The following CALN1 variants were observed in gnomAD, a reference collection of about 807,000 sequenced individuals.
The protein encoded by CALN1 is calneuron 1, also known as calcium-binding protein 8.
A neutral mutation model predicts 30.6 loss-of-function variants in CALN1; 17 were observed. The ratio of observed to expected loss-of-function variants is 0.56; its 90% confidence interval spans 0.38 to 0.83. CALN1 has a LOEUF of 0.83. Among genes scored for constraint, CALN1 ranks in the 40% least tolerant of loss-of-function variants. The pLI is 0.00. For missense variants in CALN1, 291 were observed against 354.9 expected (o/e 0.82, Z 1.45); for synonymous variants, 156 against 131.4 (o/e 1.19, Z -1.28).
At chr7:71,892,382 A>G (rs571730330) in intron 5 of CALN1, among the ~76,000 whole-genome samples, 46 of 152,324 alleles carry the variant, frequency 3.0e-4, no homozygotes, top group African/African-American at 1.0e-3. Flanking sequence ...CACGCCTGTA[A>G]TCCCAGCACT....
At chr7:71,914,911 T>C (rs1234131284) in intron 5 of CALN1, among the ~76,000 whole-genome samples, 1 of 152,178 alleles carries the variant, frequency 6.6e-6, no homozygotes, top group African/African-American at 2.4e-5. Flanking sequence ...AAAAGTCTAA[T>C]ATCCAGTATA....
At chr7:72,264,208 C>T (rs908744591) in intron 3 of CALN1, among the ~76,000 whole-genome samples, 1 of 152,134 alleles carries the variant, frequency 6.6e-6, no homozygotes, top group African/African-American at 2.4e-5. Flanking sequence ...CTAACCTTTA[C>T]AAGGAAAAGT....
chr7:72,331,931 A>G (rs951630993), intron 2 of CALN1, among the ~76,000 whole-genome samples: 1 of 152,032 alleles, frequency 6.6e-6, no homozygotes, highest in East Asian at 1.9e-4. Flanking sequence ...CTTAGCTTCC[A>G]CTTATAAGTG....
chr7:72,419,007 C>CCTTG, intron 1 of CALN1, among the ~76,000 whole-genome samples: 1 of 152,084 alleles, frequency 6.6e-6, no homozygotes, highest in Admixed American at 6.5e-5. Context: ...CAAAGCAAGA[C>CCTTG]TCCAAGTAAT....
At chr7:71,934,930 T>C (rs1489665488) in intron 5 of CALN1, among the ~76,000 whole-genome samples, 1 of 152,014 alleles carries the variant, frequency 6.6e-6, no homozygotes, top group African/African-American at 2.4e-5. Flanking sequence ...GTAGCACTTA[T>C]TCACTAATAC....
At chr7:72,096,001 T>C (rs1226016864) in intron 4 of CALN1, among the ~76,000 whole-genome samples, 1 of 152,032 alleles carries the variant, frequency 6.6e-6, no homozygotes, top group Non-Finnish European at 1.5e-5. Flanking sequence ...ATGACACCAC[T>C]GCATTCCAGC....
chr7:71,922,821 T>C (rs1303442618), intron 5 of CALN1, among the ~76,000 whole-genome samples: 1 of 140,630 alleles, frequency 7.1e-6, no homozygotes, highest in Admixed American at 7.5e-5. Flanking sequence ...ATATATAATA[T>C]ACAGAATATA....
At chr7:72,034,197 CA>C (rs1221041462) in intron 4 of CALN1, among the ~76,000 whole-genome samples, 1 of 151,316 alleles carries the variant, frequency 6.6e-6, no homozygotes, top group Non-Finnish European at 1.5e-5. Context: ...ACTAAAAATA[CA>C]AAAAAATTAG....
chr7:72,359,536 T>C (rs1803434273), intron 2 of CALN1, among the ~76,000 whole-genome samples: 1 of 152,176 alleles, frequency 6.6e-6, no homozygotes, highest in Non-Finnish European at 1.5e-5. Flanking sequence ...AGGTATAGGA[T>C]ATGCAGGCAC....
At chr7:72,075,504 C>T (rs865984023) in intron 4 of CALN1, among the ~76,000 whole-genome samples, 19 of 152,294 alleles carry the variant, frequency 1.2e-4, no homozygotes, top group Middle Eastern at 6.8e-3. Flanking sequence ...TTCTGTCTAC[C>T]GGTTGAACCT....
intron 3 of CALN1, among the ~76,000 whole-genome samples, chr7:72,132,516 G>C (rs551405035): frequency 7.2e-5 from 11 of 152,146 alleles, no homozygotes; most frequent in African/African-American, 2.7e-4. Flanking sequence ...TCCATCTCCA[G>C]TTAACTGACA....
intron 5 of CALN1, among the ~76,000 whole-genome samples, chr7:71,877,909 T>C (rs937982408): frequency 1.3e-5 from 2 of 152,206 alleles, no homozygotes; most frequent in African/African-American, 4.8e-5. Flanking sequence ...AAAGCCATTT[T>C]GCCATAGTGG....
intron 5 of CALN1, among the ~76,000 whole-genome samples, chr7:71,971,930 C>CAAAAAAAAAAAAAAAAAAAA: frequency 2.6e-5 from 1 of 38,550 alleles, no homozygotes. Flanking sequence ...GACCCTGTCT[C>CAAAAAAAAAAAAAAAAAAAA]AAAAAAAAAA....
At chr7:71,916,914 T>C (rs1794712741) in intron 5 of CALN1, among the ~76,000 whole-genome samples, 1 of 152,168 alleles carries the variant, frequency 6.6e-6, no homozygotes, top group Non-Finnish European at 1.5e-5. Flanking sequence ...CGTGGTACCA[T>C]CATGTTGTCT....
intron 5 of CALN1, among the ~76,000 whole-genome samples, chr7:71,888,669 G>A (rs1046684342): frequency 1.3e-5 from 2 of 152,126 alleles, no homozygotes; most frequent in African/African-American, 4.8e-5. Context: ...GGTTGGGTGA[G>A]AAGGGAGTTA....
intron 5 of CALN1, among the ~76,000 whole-genome samples, chr7:71,983,052 C>A (rs1487967035): frequency 6.6e-6 from 1 of 152,190 alleles, no homozygotes; most frequent in African/African-American, 2.4e-5. Flanking sequence ...AAACATCACA[C>A]CTGGTCCAAC....
At chr7:72,318,219 A>G (rs1444345848) in intron 2 of CALN1, among the ~76,000 whole-genome samples, 1 of 152,230 alleles carries the variant, frequency 6.6e-6, no homozygotes, top group East Asian at 1.9e-4. Flanking sequence ...AAAGGGTCCC[A>G]TTAAGAAACA....
chr7:72,460,260 G>A, the CALN1 span, among the ~76,000 whole-genome samples: 1 of 152,162 alleles, frequency 6.6e-6, no homozygotes, highest in East Asian at 1.9e-4. Flanking sequence ...ATTCAGAGGG[G>A]ACAAACATCC....
At chr7:72,412,351 G>C (rs114968871), upstream of CALN1, 2 of 152,078 alleles carry the variant, frequency 1.3e-5, no homozygotes, top group African/African-American at 4.8e-5. Context: ...CAGCGGGCTC[G>C]GGGAGCCAGC....
Sources: allele counts gnomAD v4.1 joint callset (sites outside exome capture counted in the v4.1 genomes callset), GRCh38; gene constraint gnomAD v4.1.1; transcripts MANE v1.5; gene names NCBI Gene and HGNC (gene_info 2026-07-23, HGNC 2026-07-21).